The following SPATA21 variants were observed in gnomAD, a reference collection of about 807,000 sequenced individuals.
SPATA21 encodes the protein spermatogenesis associated 21, also known as spermatogenesis-associated protein 21.
SPATA21 carries 47 observed loss-of-function variants against 54.8 expected under a neutral mutation model. The observed-to-expected ratio is 0.86, with a 90% confidence interval of 0.68 to 1.09. The LOEUF is 1.09. SPATA21 is among the 50% of genes least tolerant of loss of function. The pLI, the probability that SPATA21 is intolerant of heterozygous loss-of-function variation, is 0.00. For synonymous variants in SPATA21, 245 were observed against 235.3 expected (o/e 1.04, Z -0.38); for missense variants, 599 against 596.4 (o/e 1.00, Z -0.05).
downstream of SPATA21, chr1:16,398,635 A>G: frequency 9.8e-7 from 1 of 1,015,468 alleles, no homozygotes; most frequent in South Asian, 1.5e-5. Flanking sequence ...GGCAAGAGGC[A>G]CAGAGGCTGA....
At chr1:16,408,915 C>CG (rs1274046983) in intron 7 of SPATA21, among the ~76,000 whole-genome samples, 1 of 150,992 alleles carries the variant, frequency 6.6e-6, no homozygotes, top group Admixed American at 6.6e-5. Context: ...CTGGCCCCCC[C>CG]AACCCAGCAG....
intron 10 of SPATA21, among the ~76,000 whole-genome samples, chr1:16,402,875 G>A (rs900703381): frequency 6.6e-5 from 10 of 152,160 alleles, no homozygotes; most frequent in African/African-American, 2.4e-4. Flanking sequence ...GCAGTGAGTC[G>A]TAATTGTATC....
intron 5 of SPATA21, chr1:16,410,831 C>T: frequency 2.5e-6 from 1 of 405,262 alleles, no homozygotes; most frequent in Non-Finnish European, 5.0e-6. Context: ...CAAGCGTGTT[C>T]CACCGCGCCC....
At position 16,428,086 on chromosome 1, in the gene SPATA21, A is replaced by C. The variant is rs527535144; in HGVS notation, c.34+3252T>G. ...TACCCGTTCTGGAGTGATCCCTCCC[A>C]CTCCTCCCTGGGTACTCTTCTGGCC... On this transcript the variant is annotated intron_variant, in intron 3 of 12. Coordinates refer to ENST00000335496, the MANE Select transcript of SPATA21 (RefSeq NM_198546.1). The surrounding 1 kb of genome is among the most constrained non-coding windows in gnomAD (Gnocchi z 4.3). The C allele has an allele frequency of 1.3e-5, 20 of 1,483,718 alleles. No homozygotes were observed. The highest frequency in any genetic ancestry group is 2.0e-5 in the Admixed American group (1 of 49,544). 91.9% of individuals were successfully genotyped at this position (1,483,718 alleles called of 1,614,324 possible). A position where few individuals can be genotyped will look rare whatever the true frequency, so the allele number is the denominator to read the frequency against.
intron 3 of SPATA21, chr1:16,425,191 C>A: frequency 2.0e-6 from 1 of 490,262 alleles, no homozygotes; most frequent in Non-Finnish European, 4.0e-6. Flanking sequence ...GATTAACAGG[C>A]GTGAGCCACC....
At position 16,421,921 on chromosome 1, in the gene SPATA21, C is replaced by G. The variant is rs751259856; in HGVS notation, c.85G>C (p.Ala29Pro). The G allele has an allele frequency of 3.3e-5, 54 of 1,614,046 alleles. No homozygotes were observed. The South Asian group carries it at 3.6e-4, about 11-fold the overall frequency. ...FLPSTPGPKK[A>P]KGGGEAVETH... Reference sequence around the variant, plus strand: ...TGGATGATGACTTACCCTCCTTTTGCTTTTTTAGGTCCAGGCGTGGATGGC... The same window carrying G: ...TGGATGATGACTTACCCTCCTTTTGGTTTTTTAGGTCCAGGCGTGGATGGC... The change falls in exon 4 of 13, where the codon GCA (alanine) becomes CCA (proline). Residue 29 changes from alanine (A) to proline (P), a missense_variant. Ala to Pro is a conservative substitution (Grantham distance 27, BLOSUM62 -1). Coordinates refer to ENST00000335496, the MANE Select transcript of SPATA21 (RefSeq NM_198546.1). The surrounding 1 kb of genome is among the most constrained non-coding windows in gnomAD (Gnocchi z 5.2).
Position 16,428,407 on chromosome 1 carries a change from TGAGA to T in SPATA21, c.34+2927_34+2930del. Among the ~76,000 whole-genome samples the T allele has an allele frequency of 6.6e-6, 1 of 152,278 alleles. No individual in the cohort carries two copies. The highest frequency in any genetic ancestry group is 1.5e-5 in the Non-Finnish European group (1 of 68,016). Reference sequence around the variant, plus strand: ...TGAACTGAGTTTTTATTTCATTTTTTGAGAGAGAGTTTCCCTCCTTTGCCCAGGC... The same window carrying T: ...TGAACTGAGTTTTTATTTCATTTTTTGAGAGTTTCCCTCCTTTGCCCAGGC... On this transcript the variant is annotated intron_variant, in intron 3 of 12. Transcript: ENST00000335496. The surrounding 1 kb of genome is among the most constrained non-coding windows in gnomAD (Gnocchi z 4.3).
chr1:16,421,471 A>G lies in SPATA21; in HGVS notation c.144+38T>C. Reference sequence around the variant, plus strand: ...TCCTGATCCCCCCTGCCTTTCTCCTACACAGCTCGTCCCCGTTCCCCCTAT... The same window carrying G: ...TCCTGATCCCCCCTGCCTTTCTCCTGCACAGCTCGTCCCCGTTCCCCCTAT... On this transcript the variant is annotated intron_variant, in intron 5 of 12. Coordinates refer to ENST00000335496, the MANE Select transcript of SPATA21 (RefSeq NM_198546.1). This position sits in a 1 kb window ranked among gnomAD's most constrained non-coding sequence, Gnocchi z 5.2. 6.3e-7 allele frequency: 1 copy of G among 1,589,396 alleles called. No individual in the cohort carries two copies. The highest frequency in any genetic ancestry group is 8.6e-7 in the Non-Finnish European group (1 of 1,167,914).
At chr1:16,429,805 C>T (rs1327353702) in intron 3 of SPATA21, among the ~76,000 whole-genome samples, 1 of 151,122 alleles carries the variant, frequency 6.6e-6, no homozygotes, top group Non-Finnish European at 1.5e-5. Flanking sequence ...TATCTTTGGC[C>T]CTGAGGAAAC....
At chr1:16,429,454 TTTTA>T (rs1190177329) in intron 3 of SPATA21, among the ~76,000 whole-genome samples, 2 of 150,710 alleles carry the variant, frequency 1.3e-5, no homozygotes, top group East Asian at 1.9e-4. Flanking sequence ...TTGTATTGTA[TTTTA>T]TTTATTTGTT....
rs1405617908 is a variant in SPATA21, at chr1:16,398,715, C to T, written c.*50G>A. 2 of 1,603,140 alleles carry T rather than the reference C, an allele frequency of 1.2e-6. No individual in the cohort carries two copies. Among genetic ancestry groups the T allele is most frequent in the Non-Finnish European group, 1.7e-6 (2 of 1,170,272 alleles). Reference sequence around the variant, plus strand: ...CAGCAGCAGCTCCTGCCTGGTGGCCCATCTGTCTACAGGCCTTGAGCAGCT... The same window carrying T: ...CAGCAGCAGCTCCTGCCTGGTGGCCTATCTGTCTACAGGCCTTGAGCAGCT... On this transcript the variant is annotated 3_prime_UTR_variant, in exon 13 of 13. Coordinates refer to ENST00000335496, the MANE Select transcript of SPATA21 (RefSeq NM_198546.1).
intron 5 of SPATA21, among the ~76,000 whole-genome samples, chr1:16,413,388 C>A (rs957971472): frequency 1.6e-4 from 25 of 152,192 alleles, no homozygotes; most frequent in African/African-American, 5.5e-4. Flanking sequence ...ATTGTACGTA[C>A]AGACCACATT....
At chr1:16,415,646 AC>A (rs2085981833) in intron 5 of SPATA21, among the ~76,000 whole-genome samples, 1 of 148,556 alleles carries the variant, frequency 6.7e-6, no homozygotes, top group Non-Finnish European at 1.5e-5. Context: ...TGCAAGCTCC[AC>A]CTCCCGGGTT....
chr1:16,404,080 A>G (rs367735172), intron 8 of SPATA21, 41 bp from the exon 9 acceptor site: 5 of 1,520,038 alleles, frequency 3.3e-6, no homozygotes, highest in African/African-American at 1.4e-5. Context: ...GGACCTTCGG[A>G]GCAGGTCCAT....
Position 16,421,857 on chromosome 1 carries a change from C to A in SPATA21, c.95+54G>T, listed in dbSNP as rs781587161. On this transcript the variant is annotated intron_variant, in intron 4 of 12. Coordinates refer to ENST00000335496, the MANE Select transcript of SPATA21 (RefSeq NM_198546.1). The surrounding 1 kb of genome is among the most constrained non-coding windows in gnomAD (Gnocchi z 5.2). ...ACTAGAATTCACCCCACCTGAAACT[C>A]AGCAGAAGAGCATCCTTGTTGGGGG... 7.1e-5 allele frequency: 114 copies of A among 1,613,542 alleles called. No individual in the cohort carries two copies. Among genetic ancestry groups the A allele is most frequent in the Admixed American group, 1.3e-4 (8 of 59,992 alleles).
At chr1:16,416,090 C>A (rs974486256) in intron 5 of SPATA21, among the ~76,000 whole-genome samples, 1 of 152,218 alleles carries the variant, frequency 6.6e-6, no homozygotes, top group Non-Finnish European at 1.5e-5. Context: ...TGCTCTGCTA[C>A]CCCCGAGCCT....
rs771749945 is a variant in SPATA21 at position 16,408,782 on chromosome 1, A to AT, written c.673+335dup. On this transcript the variant is annotated intron_variant, in intron 7 of 12. Transcript: ENST00000335496. Reference sequence around the variant, plus strand: ...CTATTCAGGAGGTTGAGGTAGGAGAATCGCTTGAACCCTGGAGGCAGATGT... The same window carrying AT: ...CTATTCAGGAGGTTGAGGTAGGAGAATTCGCTTGAACCCTGGAGGCAGATGT... 10 of 186,540 alleles carry AT rather than the reference A, an allele frequency of 5.4e-5. No individual in the cohort carries two copies. In the East Asian group the frequency reaches 7.5e-4, roughly 14 times the overall value. 11.6% of individuals were successfully genotyped at this position (186,540 alleles called of 1,614,324 possible). A position where few individuals can be genotyped will look rare whatever the true frequency, so the allele number is the denominator to read the frequency against.
chr1:16,426,073 T>A (rs2086309841), intron 3 of SPATA21, among the ~76,000 whole-genome samples: 1 of 152,054 alleles, frequency 6.6e-6, no homozygotes, highest in South Asian at 2.1e-4. Flanking sequence ...ATAGTATTTT[T>A]AAACTGTTTT....
At chr1:16,414,594 G>T (rs114515972) in intron 5 of SPATA21, among the ~76,000 whole-genome samples, 1 of 152,006 alleles carries the variant, frequency 6.6e-6, no homozygotes, top group Non-Finnish European at 1.5e-5. Flanking sequence ...CAAACAGTAC[G>T]GTTGAAATAA....
Sources: gnomAD v4.1 joint callset for allele counts (sites outside exome capture counted in the v4.1 genomes callset) on GRCh38, gnomAD v4.1.1 for gene constraint, Gnocchi (gnomAD v3.1) non-coding constraint, MANE v1.5 for transcripts, NCBI Gene and HGNC (gene_info 2026-07-23, HGNC 2026-07-21) for gene names.